ASIC2: variants seen among roughly 807,000 people sequenced by gnomAD.
ASIC2 encodes the protein acid-sensing ion channel 2.
Under a neutral mutation model 57.3 loss-of-function variants are expected in ASIC2, and 25 were observed. The observed-to-expected ratio is 0.44, with a 90% CI of 0.32 to 0.61. The LOEUF (loss-of-function observed/expected upper bound fraction) is 0.61, where lower values mean the gene tolerates loss of function less well. Among genes scored for constraint, ASIC2 ranks in the 20% least tolerant of loss-of-function variants. ASIC2 has a pLI of 0.06. For synonymous variants in ASIC2, 319 were observed against 307.5 expected, an observed-to-expected ratio of 1.04 and a Z score of -0.39; for missense variants, 641 against 738.1, an observed-to-expected ratio of 0.87 and a Z score of 1.52.
At chr17:34,015,174 G>A (rs1906907427) in intron 1 of ASIC2, among the ~76,000 whole-genome samples, 1 of 150,160 alleles carries the variant, frequency 6.7e-6, no homozygotes, top group South Asian at 2.1e-4. Flanking sequence ...CTCCCCAAGT[G>A]CTGGGACTAC....
intron 1 of ASIC2, among the ~76,000 whole-genome samples, chr17:33,877,060 G>T (rs769557072): frequency 2.6e-5 from 4 of 152,198 alleles, no homozygotes; most frequent in Non-Finnish European, 5.9e-5. Context: ...TGAGGCCAAG[G>T]CCTCACATTT....
At chr17:33,778,763 G>T (rs1032153038) in intron 1 of ASIC2, among the ~76,000 whole-genome samples, 2 of 152,106 alleles carry the variant, frequency 1.3e-5, no homozygotes, top group Admixed American at 6.5e-5. Flanking sequence ...AAACGCACAG[G>T]GTATTGATGC....
intron 1 of ASIC2, among the ~76,000 whole-genome samples, chr17:33,790,514 C>T (rs943872977): frequency 6.6e-6 from 1 of 152,124 alleles, no homozygotes; most frequent in Non-Finnish European, 1.5e-5. Context: ...TTTGCAGCCT[C>T]TTGTGATATT....
chr17:33,379,892 G>T (rs1291941605), intron 1 of ASIC2, among the ~76,000 whole-genome samples: 2 of 152,090 alleles, frequency 1.3e-5, no homozygotes, highest in Admixed American at 1.3e-4. Context: ...TTAGTATCTG[G>T]CACCGAGTAG....
At chr17:33,163,960 T>A (rs1905233314) in intron 1 of ASIC2, among the ~76,000 whole-genome samples, 1 of 152,208 alleles carries the variant, frequency 6.6e-6, no homozygotes, top group African/African-American at 2.4e-5. Flanking sequence ...TCCTTGAGTC[T>A]TCACTGCAGG....
At chr17:33,396,803 G>A (rs1910093298) in intron 1 of ASIC2, among the ~76,000 whole-genome samples, 1 of 152,120 alleles carries the variant, frequency 6.6e-6, no homozygotes, top group East Asian at 1.9e-4. Flanking sequence ...ATAGGCATTG[G>A]GAAATTTACC....
At chr17:33,769,487 T>C (rs1567710946) in intron 1 of ASIC2, among the ~76,000 whole-genome samples, 1 of 152,214 alleles carries the variant, frequency 6.6e-6, no homozygotes, top group South Asian at 2.1e-4. Flanking sequence ...CATCAAAGTT[T>C]ACTGTACCAA....
At chr17:33,041,079 A>G (rs2091928166) in intron 3 of ASIC2, among the ~76,000 whole-genome samples, 1 of 152,122 alleles carries the variant, frequency 6.6e-6, no homozygotes, top group South Asian at 2.1e-4. Flanking sequence ...ATCTTGAGGC[A>G]CATCTCCAGA....
At chr17:34,129,446 G>T (rs888797886) in intron 1 of ASIC2, among the ~76,000 whole-genome samples, 1 of 152,154 alleles carries the variant, frequency 6.6e-6, no homozygotes, top group African/African-American at 2.4e-5. Context: ...GGTAGGACAT[G>T]ACCGCATTTG....
intron 1 of ASIC2, among the ~76,000 whole-genome samples, chr17:33,149,145 A>G (rs186045713): frequency 7.2e-5 from 11 of 152,324 alleles, no homozygotes; most frequent in Admixed American, 3.9e-4. Flanking sequence ...AACTTGACAT[A>G]TATCTTTTCT....
At chr17:33,020,477 T>C (rs116565351) in intron 7 of ASIC2, among the ~76,000 whole-genome samples, 2 of 152,108 alleles carry the variant, frequency 1.3e-5, no homozygotes, top group Admixed American at 1.3e-4. Flanking sequence ...AGGCATCAGA[T>C]CCTTTCTTGA....
intron 1 of ASIC2, among the ~76,000 whole-genome samples, chr17:33,260,609 T>C (rs959824966): frequency 6.6e-6 from 1 of 152,224 alleles, no homozygotes; most frequent in Non-Finnish European, 1.5e-5. Context: ...GAACGCTTTT[T>C]CTCGAGAGGT....
At chr17:33,404,103 GC>G (rs1032151728) in intron 1 of ASIC2, among the ~76,000 whole-genome samples, 5 of 152,224 alleles carry the variant, frequency 3.3e-5, no homozygotes, top group Non-Finnish European at 5.9e-5. Context: ...AGCTTGAGTT[GC>G]CAAGTTTGGG....
At chr17:34,127,435 C>T (rs1313841241) in intron 1 of ASIC2, among the ~76,000 whole-genome samples, 1 of 152,232 alleles carries the variant, frequency 6.6e-6, no homozygotes, top group Non-Finnish European at 1.5e-5. Context: ...CGTAAAACAC[C>T]AGGCTCCAGA....
intron 1 of ASIC2, among the ~76,000 whole-genome samples, chr17:33,203,643 G>A (rs961492000): frequency 6.6e-6 from 1 of 152,016 alleles, no homozygotes; most frequent in Non-Finnish European, 1.5e-5. Flanking sequence ...TTATTCTCGG[G>A]GTTGGCAATG....
intron 1 of ASIC2, among the ~76,000 whole-genome samples, chr17:33,484,709 A>T (rs1913520675): frequency 6.6e-6 from 1 of 152,204 alleles, no homozygotes; most frequent in Admixed American, 6.5e-5. Context: ...GACCAAATTG[A>T]GGACTAGCTA....
rs188730164 is a variant in ASIC2, at chr17:33,061,417, A to G, written c.987+27446T>C. Among the ~76,000 whole-genome samples, 475 of 152,334 alleles carry G rather than the reference A, an allele frequency of 3.1e-3. 1 individual carries two copies. Among genetic ancestry groups the G allele is most frequent in the African/African-American group, 0.011 (444 of 41,568 alleles). On this transcript the variant is annotated intron_variant, in intron 3 of 9. Coordinates refer to ENST00000225823, the MANE Select transcript of ASIC2 (RefSeq NM_183377.2). ...AGGCCTTTCCTGCATCTATTGAGAT[A>G]ATCATGTGGTTTTTGTCTTTGGTTC...
chr17:33,368,476 T>A (rs748646582), intron 1 of ASIC2, among the ~76,000 whole-genome samples: 5 of 152,212 alleles, frequency 3.3e-5, no homozygotes, highest in Non-Finnish European at 7.3e-5. Flanking sequence ...TGGAGTCTTA[T>A]TTGAATTCCT....
At chr17:34,006,781 T>G (rs911642412) in intron 1 of ASIC2, 28 of 152,272 alleles carry the variant, frequency 1.8e-4, no homozygotes, top group African/African-American at 6.3e-4. Flanking sequence ...AGATTTACAC[T>G]CCTGGGCATA....
Sources: gnomAD v4.1 joint callset for allele counts (sites outside exome capture counted in the v4.1 genomes callset) on GRCh38, gnomAD v4.1.1 for gene constraint, MANE v1.5 for transcripts, NCBI Gene and HGNC (gene_info 2026-07-23, HGNC 2026-07-21) for gene names.